The following UVRAG variants were observed in gnomAD, a reference collection of about 807,000 sequenced individuals.
The protein encoded by UVRAG is UV radiation resistance-associated gene protein.
UVRAG carries 19 observed loss-of-function variants against 78.0 expected under a neutral mutation model. That is an observed-to-expected ratio of 0.24 (90% CI 0.17 to 0.36). The LOEUF (loss-of-function observed/expected upper bound fraction) is 0.36. UVRAG is among the 10% of genes least tolerant of loss of function. The probability of loss-of-function intolerance (pLI) is 1.00; values close to 1 mark genes in which losing one functional copy is unlikely to be tolerated. For missense variants in UVRAG, 740 were observed against 853.8 expected, an observed-to-expected ratio of 0.87 and a Z score of 1.66; for synonymous variants, 323 against 324.6, an observed-to-expected ratio of 1.00 and a Z score of 0.05.
At chr11:76,026,334 C>T (rs1950326390) in intron 12 of UVRAG, among the ~76,000 whole-genome samples, 1 of 152,116 alleles carries the variant, frequency 6.6e-6, no homozygotes, top group Admixed American at 6.6e-5. Context: ...CACCTGTTGA[C>T]AACATCTTAT....
chr11:75,955,424 A>G (rs1373911556), intron 6 of UVRAG, among the ~76,000 whole-genome samples: 2 of 152,340 alleles, frequency 1.3e-5, no homozygotes, highest in Middle Eastern at 6.8e-3. Flanking sequence ...GGTAATAATA[A>G]TAATGTTGGC....
intron 12 of UVRAG, among the ~76,000 whole-genome samples, chr11:76,033,975 A>G (rs1950482339): frequency 1.3e-5 from 2 of 152,274 alleles, no homozygotes; most frequent in African/African-American, 2.4e-5. Context: ...AAGAACCTCA[A>G]TCCTGGTTAT....
intron 5 of UVRAG, among the ~76,000 whole-genome samples, chr11:75,903,209 A>G (rs950483388): frequency 6.6e-6 from 1 of 152,000 alleles, no homozygotes; most frequent in African/African-American, 2.4e-5. Flanking sequence ...GTAGCCTCCT[A>G]TCGGGTAGTT....
At chr11:76,070,932 G>A (rs1353581446) in intron 13 of UVRAG, among the ~76,000 whole-genome samples, 3 of 152,188 alleles carry the variant, frequency 2.0e-5, no homozygotes, top group Non-Finnish European at 4.4e-5. Context: ...ATATCATTGT[G>A]TATGTAATCA....
chr11:76,139,368 G>T (rs906051460), intron 14 of UVRAG, among the ~76,000 whole-genome samples: 1 of 152,178 alleles, frequency 6.6e-6, no homozygotes, highest in African/African-American at 2.4e-5. Context: ...AATAATGAGG[G>T]ATGTCTTTCT....
rs967333412 is a variant in UVRAG, at chr11:75,815,297, C to T, written c.-111C>T. 5.3e-5 allele frequency: 29 copies of T among 546,014 alleles called. No homozygotes were observed. Among genetic ancestry groups the T allele is most frequent in the African/African-American group, 3.9e-4 (20 of 50,940 alleles). 33.8% of individuals were successfully genotyped at this position (546,014 alleles called of 1,614,324 possible). A position where few individuals can be genotyped will look rare whatever the true frequency, so the allele number is the denominator to read the frequency against. On this transcript the variant is annotated 5_prime_UTR_variant, in exon 1 of 15. Transcript: ENST00000356136. ...TACTGTCTGGGCTGAGCAGTAGTGC[C>T]TCTCGGGTGGCGGGTTTCTAGGCTG...
intron 3 of UVRAG, among the ~76,000 whole-genome samples, chr11:75,877,273 T>C (rs1005661539): frequency 1.3e-5 from 2 of 152,164 alleles, no homozygotes; most frequent in Non-Finnish European, 2.9e-5. Context: ...ACGGCAACCA[T>C]CTGATTTCTC....
chr11:75,882,386 G>T (rs761256044), intron 4 of UVRAG, among the ~76,000 whole-genome samples: 5 of 152,082 alleles, frequency 3.3e-5, no homozygotes, highest in Admixed American at 6.6e-5. Flanking sequence ...AGCGGCATGT[G>T]CCTGTAATCC....
intron 2 of UVRAG, 95 bp from the exon 3 acceptor site, chr11:75,861,651 C>A: frequency 2.6e-6 from 2 of 769,000 alleles, no homozygotes; most frequent in Non-Finnish European, 4.2e-6. Context: ...AAATGTTTTA[C>A]TGCAACATAT....
chr11:75,821,974 C>T (rs367999791), intron 1 of UVRAG, among the ~76,000 whole-genome samples: 22 of 107,636 alleles, frequency 2.0e-4, no homozygotes, highest in Admixed American at 2.5e-4. Context: ...GACAGAGTTT[C>T]GCTCTTGTTG....
At chr11:76,139,034 A>G (rs1466477163) in intron 14 of UVRAG, among the ~76,000 whole-genome samples, 1 of 152,222 alleles carries the variant, frequency 6.6e-6, no homozygotes, top group Non-Finnish European at 1.5e-5. Context: ...GGAGAACTAA[A>G]CACTGTAATT....
chr11:76,067,118 G>C (rs1166862212), intron 13 of UVRAG, among the ~76,000 whole-genome samples: 1 of 152,006 alleles, frequency 6.6e-6, no homozygotes, highest in Non-Finnish European at 1.5e-5. Context: ...TTTTTATTAA[G>C]ATTGTTGTTC....
At chr11:76,134,813 A>T (rs1444891036) in intron 14 of UVRAG, among the ~76,000 whole-genome samples, 1 of 152,198 alleles carries the variant, frequency 6.6e-6, no homozygotes, top group Non-Finnish European at 1.5e-5. Context: ...GATCTATTTT[A>T]TAAATAGTCA....
intron 14 of UVRAG, chr11:76,137,272 C>A (rs1037737260): frequency 2.2e-6 from 1 of 453,272 alleles, no homozygotes; most frequent in South Asian, 1.6e-5. Flanking sequence ...ATTCAACCAC[C>A]CACAGCGCCA....
intron 6 of UVRAG, among the ~76,000 whole-genome samples, chr11:75,953,815 C>A (rs775379055): frequency 4.6e-5 from 7 of 152,090 alleles, no homozygotes; most frequent in Non-Finnish European, 4.4e-5. Context: ...ACCAGAATAC[C>A]TATCGGATAG....
intron 2 of UVRAG, among the ~76,000 whole-genome samples, chr11:75,859,330 C>G (rs1020650354): frequency 1.3e-5 from 2 of 151,026 alleles, no homozygotes; most frequent in Admixed American, 1.3e-4. Context: ...GAGCCGAGAT[C>G]ACGCCACTGC....
chr11:76,024,276 A>C (rs1950292782), intron 12 of UVRAG, among the ~76,000 whole-genome samples: 1 of 152,184 alleles, frequency 6.6e-6, no homozygotes, highest in Non-Finnish European at 1.5e-5. Context: ...GGGCAATTTC[A>C]AGTAGCATGC....
chr11:75,864,021 CT>C (rs200790833), intron 3 of UVRAG, among the ~76,000 whole-genome samples: 11 of 144,268 alleles, frequency 7.6e-5, no homozygotes, highest in Admixed American at 2.1e-4. Flanking sequence ...GGCAAGGATT[CT>C]TTTTTTTTCT....
chr11:76,068,823 T>C (rs2134388377), intron 13 of UVRAG, among the ~76,000 whole-genome samples: 1 of 152,344 alleles, frequency 6.6e-6, no homozygotes, highest in East Asian at 1.9e-4. Flanking sequence ...AAGGTTTATT[T>C]TTATAGACAT....
Sources: gnomAD v4.1 joint callset for allele counts (sites outside exome capture counted in the v4.1 genomes callset) on GRCh38, gnomAD v4.1.1 for gene constraint, MANE v1.5 for transcripts, NCBI Gene and HGNC (gene_info 2026-07-23, HGNC 2026-07-21) for gene names.